TCF15: variants seen among roughly 807,000 people sequenced by gnomAD.
TCF15 encodes the protein transcription factor 15.
TCF15 carries 7 observed loss-of-function variants against 11.1 expected under a neutral mutation model. The observed-to-expected ratio is 0.63, with a 90% confidence interval of 0.36 to 1.19. TCF15 has a LOEUF of 1.19. Among genes scored for constraint, TCF15 ranks in the 50% most tolerant of loss-of-function variants. The pLI is 0.02. For synonymous variants in TCF15, 144 were observed against 138.9 expected (o/e 1.04, Z -0.26); for missense variants, 288 against 289.4 (o/e 1.00, Z 0.03).
Position 610,233 on chromosome 20 carries a change from G to A in TCF15, c.5C>T (p.Ala2Val), listed in dbSNP as rs1246134607. 2 of 999,226 alleles carry A rather than the reference G, an allele frequency of 2.0e-6. No individual in the cohort carries two copies. The highest frequency in any genetic ancestry group is 2.4e-6 in the Non-Finnish European group (2 of 839,992). 61.9% of individuals were successfully genotyped at this position (999,226 alleles called of 1,614,324 possible). A position where few individuals can be genotyped will look rare whatever the true frequency, so the allele number is the denominator to read the frequency against. Residue 2 changes from alanine to valine, a missense_variant, in exon 1 of 2, where the codon GCG becomes GTG. Coordinates refer to ENST00000246080, the MANE Select transcript of TCF15 (RefSeq NM_004609.4). ...GCCGACGGGCCGCAGCAGCGCGAAC[G>A]CCATGGGCGCCGGCCGCGTCCCTCC... MAFALLRPVGAH... is the reference protein window; with the variant it reads MVFALLRPVGAH...
rs2020002053 is a variant in TCF15, at chr20:609,301, G to A, written c.525+412C>T. Among the ~76,000 whole-genome samples, 1 of 152,292 alleles carries A rather than the reference G, an allele frequency of 6.6e-6. No homozygotes were observed. Among genetic ancestry groups the A allele is most frequent in the South Asian group, 2.1e-4 (1 of 4,832 alleles). On this transcript the variant is annotated intron_variant, in intron 1 of 1. Coordinates refer to ENST00000246080, the MANE Select transcript of TCF15 (RefSeq NM_004609.4). The surrounding 1 kb of genome is among the most constrained non-coding windows in gnomAD (Gnocchi z 4.7). ...TCTCTGATGCTCAGATCCTCATCAGGATAAAATGGGCAGAAAAACTACCTG... is the reference window on the plus strand; with the variant it reads ...TCTCTGATGCTCAGATCCTCATCAGAATAAAATGGGCAGAAAAACTACCTG...
intron 1 of TCF15, among the ~76,000 whole-genome samples, chr20:607,718 T>C (rs1351445704): frequency 6.6e-6 from 1 of 152,094 alleles, no homozygotes; most frequent in Non-Finnish European, 1.5e-5. Context: ...GCTATGGGGG[T>C]GGACACATGA....
Position 604,753 on chromosome 20 carries a change from T to C in TCF15, c.526-88A>G, listed in dbSNP as rs753203913. On this transcript the variant is annotated intron_variant, in intron 1 of 1. Transcript: ENST00000246080. This position sits in a 1 kb window ranked among gnomAD's most constrained non-coding sequence, Gnocchi z 4.2. ...CCTCTGTATCCCTCAAGAGGGATCC[T>C]GATCAATAAATCACAGTTCAGCCAC... 1 of 1,037,310 alleles carries C rather than the reference T, an allele frequency of 9.6e-7. No homozygotes were observed. The highest frequency in any genetic ancestry group is 1.4e-6 in the Non-Finnish European group (1 of 720,518). The allele number at this position is 1,037,310 out of a possible 1,614,324, so 64.3% of individuals were successfully genotyped here.
In TCF15 at chr20:609,080, AC is replaced by A. The variant is rs376642234; in HGVS notation, c.525+632del. Among the ~76,000 whole-genome samples the A allele has an allele frequency of 6.7e-6, 1 of 149,766 alleles. No homozygotes were observed. The highest frequency in any genetic ancestry group is 2.5e-5 in the African/African-American group (1 of 40,580). Reference sequence around the variant, plus strand: ...GGGACTCTCAGAGGGCCCCTTCTTCACTCCTACTGCTCATCCGCTGGGTACC... The same window carrying A: ...GGGACTCTCAGAGGGCCCCTTCTTCATCCTACTGCTCATCCGCTGGGTACC... On this transcript the variant is annotated intron_variant, in intron 1 of 1. Transcript: ENST00000246080. This position sits in a 1 kb window ranked among gnomAD's most constrained non-coding sequence, Gnocchi z 4.7.
At chr20:607,132 T>C (rs1000910486) in intron 1 of TCF15, among the ~76,000 whole-genome samples, 4 of 152,196 alleles carry the variant, frequency 2.6e-5, no homozygotes, top group Admixed American at 6.5e-5. Context: ...ATTATCAGCA[T>C]CATCTATGGA....
intron 1 of TCF15, among the ~76,000 whole-genome samples, chr20:605,985 T>G (rs1286076692): frequency 6.6e-6 from 1 of 152,198 alleles, no homozygotes; most frequent in African/African-American, 2.4e-5. Flanking sequence ...GGCTAGATGA[T>G]GGAGGAACAG....
chr20:608,650 T>G (rs1231571703), intron 1 of TCF15, among the ~76,000 whole-genome samples: 1 of 152,052 alleles, frequency 6.6e-6, no homozygotes, highest in Non-Finnish European at 1.5e-5. Context: ...CAGAACAGGG[T>G]GGAGCAAGGG....
rs914360955 is a variant in TCF15, at chr20:609,401, G to A, written c.525+312C>T. 4.6e-5 allele frequency among the ~76,000 whole-genome samples: 7 copies of A among 152,332 alleles called. No individual in the cohort carries two copies. The East Asian group carries it at 7.7e-4, about 17-fold the overall frequency. ...CACAGAGGAAGACTCCATAAAAGATGGGTCTTTGTTACTCAGTCCTCATGC... is the reference window on the plus strand; with the variant it reads ...CACAGAGGAAGACTCCATAAAAGATAGGTCTTTGTTACTCAGTCCTCATGC... On this transcript the variant is annotated intron_variant, in intron 1 of 1. Coordinates refer to ENST00000246080, the MANE Select transcript of TCF15 (RefSeq NM_004609.4). This position sits in a 1 kb window ranked among gnomAD's most constrained non-coding sequence, Gnocchi z 4.7.
In TCF15 at chr20:610,191, G is replaced by A. The variant is rs2020012902; in HGVS notation, c.47C>T (p.Pro16Leu). 9 of 1,048,068 alleles carry A rather than the reference G, an allele frequency of 8.6e-6. No individual in the cohort carries two copies. Among genetic ancestry groups the A allele is most frequent in the South Asian group, 3.0e-5 (1 of 33,838 alleles). The allele number at this position is 1,048,068 out of a possible 1,614,324, so 64.9% of individuals were successfully genotyped here. A position where few individuals can be genotyped will look rare whatever the true frequency, so the allele number is the denominator to read the frequency against. Residue 16 changes from proline (P) to leucine (L), a missense_variant, in exon 1 of 2, where the codon CCG becomes CTG. Pro to Leu is a moderately conservative substitution (Grantham distance 98, BLOSUM62 -3). Transcript: ENST00000246080. ...LRPVGAHVLY[P>L]DVRLLSEDEE... is the part of the protein sequence containing the mutation. ...GTCCTCGCTCAGCAGCCGCACGTCC[G>A]GGTACAGCACGTGCGCGCCGACGGG... is the stretch of plus-strand genomic sequence containing the variant.
chr20:608,613 T>A (rs2122242040), intron 1 of TCF15, among the ~76,000 whole-genome samples: 1 of 152,190 alleles, frequency 6.6e-6, no homozygotes, highest in East Asian at 1.9e-4. Context: ...CAGAGGGTGG[T>A]CTCAGGCCAA....
chr20:607,075 A>C (rs987527665), intron 1 of TCF15, among the ~76,000 whole-genome samples: 5 of 152,186 alleles, frequency 3.3e-5, no homozygotes, highest in African/African-American at 1.2e-4. Flanking sequence ...AAGCCTTGGC[A>C]CAGTGTTGGG....
chr20:609,619 G>T lies in TCF15; in HGVS notation c.525+94C>A. On this transcript the variant is annotated intron_variant, in intron 1 of 1. Coordinates refer to ENST00000246080, the MANE Select transcript of TCF15 (RefSeq NM_004609.4). The surrounding 1 kb of genome is among the most constrained non-coding windows in gnomAD (Gnocchi z 4.7). ...TTCCACGTCGCTTCCCCCTGGCCTC[G>T]TTGGGGACCCCTGCACCTCTCCGGT... The T allele has an allele frequency of 4.7e-6, 6 of 1,283,244 alleles. No individual in the cohort carries two copies. The highest frequency in any genetic ancestry group is 5.9e-6 in the Non-Finnish European group (6 of 1,018,288). 79.5% of individuals were successfully genotyped at this position (1,283,244 alleles called of 1,614,324 possible). A position where few individuals can be genotyped will look rare whatever the true frequency, so the allele number is the denominator to read the frequency against.
intron 1 of TCF15, among the ~76,000 whole-genome samples, chr20:607,780 C>T (rs2019989144): frequency 1.3e-5 from 2 of 152,224 alleles, no homozygotes; most frequent in South Asian, 2.1e-4. Context: ...ACCAGGCAGG[C>T]CTGAGTTTGA....
intron 1 of TCF15, among the ~76,000 whole-genome samples, chr20:606,141 T>G (rs939395081): frequency 1.3e-5 from 2 of 152,056 alleles, no homozygotes; most frequent in Admixed American, 6.5e-5. Context: ...AGGGACAGCA[T>G]GTTCACTCAC....
intron 1 of TCF15, among the ~76,000 whole-genome samples, chr20:608,681 C>A (rs752405384): frequency 1.3e-5 from 2 of 152,230 alleles, no homozygotes; most frequent in Non-Finnish European, 2.9e-5. Flanking sequence ...GCTGTGAGAA[C>A]CAAACAGCAG....
Position 610,303 on chromosome 20 carries a change from G to GCGCGCTCCCA in TCF15, c.-67_-66insTGGGAGCGCG, listed in dbSNP as rs1159767731. 1.0e-6 allele frequency: 1 copy of GCGCGCTCCCA among 985,254 alleles called. No individual in the cohort carries two copies. The highest frequency in any genetic ancestry group is 1.8e-5 in the African/African-American group (1 of 56,994). The allele number at this position is 985,254 out of a possible 1,614,324, so 61.0% of individuals were successfully genotyped here. A position where few individuals can be genotyped will look rare whatever the true frequency, so the allele number is the denominator to read the frequency against. On this transcript the variant is annotated 5_prime_UTR_variant, in exon 1 of 2. Transcript: ENST00000246080. Reference sequence around the variant, plus strand: ...CGGCCGCGCCCCGCCGTGCGCTCCCGCGCGCTCCCACGGCCCCGCCGGCCC... The same window carrying GCGCGCTCCCA: ...CGGCCGCGCCCCGCCGTGCGCTCCCGCGCGCTCCCACGCGCTCCCACGGCCCCGCCGGCCC...
chr20:608,491 A>T (rs1001237846), intron 1 of TCF15, among the ~76,000 whole-genome samples: 1 of 152,222 alleles, frequency 6.6e-6, no homozygotes, highest in African/African-American at 2.4e-5. Flanking sequence ...CACAGCTGGG[A>T]GCAGCAGGGA....
rs2020006854 is a variant in TCF15, at chr20:609,786, ACGGCGCCCTTGG to A, written c.440_451del (p.Ala147_Ala150del). On this transcript the variant is annotated inframe_deletion, in exon 1 of 2. Transcript: ENST00000246080. This position sits in a 1 kb window ranked among gnomAD's most constrained non-coding sequence, Gnocchi z 4.7. Reference sequence around the variant, plus strand: ...GCGGCCGCCGTCGGCGGCGGCGGGGACGGCGCCCTTGGCACTGCCCGCGGCACGGAAGCACGG... The same window carrying A: ...GCGGCCGCCGTCGGCGGCGGCGGGGACACTGCCCGCGGCACGGAAGCACGG... The A allele has an allele frequency of 1.3e-5, 18 of 1,427,074 alleles. No individual in the cohort carries two copies. Among genetic ancestry groups the A allele is most frequent in the Non-Finnish European group, 1.5e-5 (17 of 1,103,336 alleles). The allele number at this position is 1,427,074 out of a possible 1,614,324, so 88.4% of individuals were successfully genotyped here.
chr20:608,830 G>T (rs1010553662), intron 1 of TCF15, among the ~76,000 whole-genome samples: 1 of 152,176 alleles, frequency 6.6e-6, no homozygotes, highest in Non-Finnish European at 1.5e-5. Context: ...TTTACTGTAG[G>T]AAAAGCCCAG....
Sources: gnomAD v4.1 joint callset for allele counts (sites outside exome capture counted in the v4.1 genomes callset) on GRCh38, gnomAD v4.1.1 for gene constraint, Gnocchi (gnomAD v3.1) non-coding constraint, MANE v1.5 for transcripts, NCBI Gene and HGNC (gene_info 2026-07-23, HGNC 2026-07-21) for gene names.